The following MID2 variants were observed in gnomAD, a reference collection of about 807,000 sequenced individuals.
The protein encoded by MID2 is midline 2.
In MID2, 13 loss-of-function variants were observed where a neutral mutation model predicts 46.1. The observed-to-expected ratio is 0.28, with a 90% CI of 0.18 to 0.45. The LOEUF (loss-of-function observed/expected upper bound fraction) is 0.45. MID2 is among the 20% of genes least tolerant of loss of function. MID2 has a pLI of 1.00. For synonymous variants in MID2, 199 were observed against 212.3 expected, an observed-to-expected ratio of 0.94 and a Z score of 0.55; for missense variants, 431 against 575.4, an observed-to-expected ratio of 0.75 and a Z score of 2.57.
At position 107,898,904 on chromosome X, in the gene MID2, A is replaced by AATT. The variant is rs762210700; in HGVS notation, c.817-5038_817-5036dup. 2.9e-3 allele frequency among the ~76,000 whole-genome samples: 317 copies of AATT among 110,834 alleles called. 3 individuals carry two copies. The highest frequency in any genetic ancestry group is 3.6e-3 in the Non-Finnish European group (190 of 52,869). ...GCCAGTGAGGAATTCCTTGCCATAT[A>AATT]ATTATTATTATTATTATTGCATTTC... On this transcript the variant is annotated intron_variant, in intron 3 of 9. Transcript: ENST00000262843.
At chrX:107,923,451 GAAGCCTAGTTC>G (rs1933110066) in intron 7 of MID2, among the ~76,000 whole-genome samples, 1 of 112,008 alleles carries the variant, frequency 8.9e-6, no homozygotes, top group Non-Finnish European at 1.9e-5. Context: ...ATCAAAAGCA[GAAGCCTAGTTC>G]TCTGATCCCT....
chrX:107,866,543 G>A (rs1209863648), intron 3 of MID2, among the ~76,000 whole-genome samples: 1 of 109,282 alleles, frequency 9.2e-6, no homozygotes, highest in African/African-American at 3.3e-5. Flanking sequence ...TAGCTCAGAA[G>A]TTGAAAGCAA....
chrX:107,833,431 T>TA (rs199827104), intron 1 of MID2, among the ~76,000 whole-genome samples: 3,148 of 106,099 alleles, frequency 0.03, 141 homozygotes, highest in African/African-American at 0.1. Context: ...ATATATATAT[T>TA]TTTTTTAAAA....
At chrX:107,869,165 A>G (rs1037140088) in intron 3 of MID2, among the ~76,000 whole-genome samples, 1 of 111,180 alleles carries the variant, frequency 9.0e-6, no homozygotes, top group African/African-American at 3.3e-5. Context: ...TTTGAAATGT[A>G]TTTTAGGGCA....
chrX:107,826,054 A>G lies in MID2; in HGVS notation c.-373A>G. ...TGCCCCCACTCCGCCTCCCTTTTGG[A>G]AGGGATTGCCTTTTTTTTCCTCTGC... On this transcript the variant is annotated 5_prime_UTR_variant, in exon 1 of 10. Coordinates refer to ENST00000262843, the MANE Select transcript of MID2 (RefSeq NM_012216.4). The G allele has an allele frequency of 3.4e-6, 1 of 294,191 alleles. No individual in the cohort carries two copies. Among genetic ancestry groups the G allele is most frequent in the Non-Finnish European group, 5.9e-6 (1 of 168,582 alleles). The allele number at this position is 294,191 out of a possible 1,213,427, so 24.2% of individuals were successfully genotyped here. A position where few individuals can be genotyped will look rare whatever the true frequency, so the allele number is the denominator to read the frequency against.
At chrX:107,858,714 G>C (rs943490573) in intron 3 of MID2, among the ~76,000 whole-genome samples, 1 of 112,353 alleles carries the variant, frequency 8.9e-6, no homozygotes, top group Non-Finnish European at 1.9e-5. Flanking sequence ...ATGTAGTATA[G>C]CCCTTTCAAT....
intron 1 of MID2, among the ~76,000 whole-genome samples, chrX:107,833,037 T>C (rs1270413544): frequency 8.9e-6 from 1 of 112,073 alleles, no homozygotes; most frequent in Non-Finnish European, 1.9e-5. Flanking sequence ...AAAACCACTG[T>C]ACTTTGAGCA....
intron 3 of MID2, among the ~76,000 whole-genome samples, chrX:107,888,972 G>A (rs1204637889): frequency 9.0e-6 from 1 of 111,051 alleles, no homozygotes; most frequent in Non-Finnish European, 1.9e-5. Context: ...CCATTTGCTT[G>A]GGAGATCTTC....
chrX:107,890,902 TAGGTCCCTCTGAGCC>T (rs1207233114), intron 3 of MID2, among the ~76,000 whole-genome samples: 2 of 110,175 alleles, frequency 1.8e-5, no homozygotes, highest in Non-Finnish European at 3.8e-5. Context: ...TCTGTGGGAT[TAGGTCCCTCTGAGCC>T]AGGCGCAGGA....
At chrX:107,900,712 A>G (rs1451325245) in intron 3 of MID2, among the ~76,000 whole-genome samples, 1 of 112,148 alleles carries the variant, frequency 8.9e-6, no homozygotes, top group Non-Finnish European at 1.9e-5. Flanking sequence ...GTCTTATTCC[A>G]TCTTTAAGAT....
Position 107,929,302 on chromosome X carries a change from G to A in MID2, c.*2229G>A, listed in dbSNP as rs189895271. On this transcript the variant is annotated 3_prime_UTR_variant, in exon 10 of 10. Transcript: ENST00000262843. ...CCCAAATTCTTAAACAAAAAAAAAT[G>A]ATTTTTTTCCCCTTCATCAAACTTT... Among the ~76,000 whole-genome samples the A allele has an allele frequency of 5.4e-5, 6 of 110,460 alleles. No individual in the cohort carries two copies. Among genetic ancestry groups the A allele is most frequent in the Admixed American group, 4.8e-4 (5 of 10,368 alleles).
intron 3 of MID2, 64 bp downstream of exon 3, chrX:107,854,768 T>C: frequency 2.5e-6 from 2 of 813,649 alleles, no homozygotes; most frequent in East Asian, 6.4e-5. Context: ...TTGGGAGGAC[T>C]TCAGTTTTGT....
chrX:107,906,309 G>A (rs1223559864), intron 5 of MID2, among the ~76,000 whole-genome samples: 1 of 111,030 alleles, frequency 9.0e-6, no homozygotes, highest in African/African-American at 3.3e-5. Context: ...TGAAGACCTT[G>A]GCTCCAGGCT....
intron 1 of MID2, 40 bp downstream of exon 1, chrX:107,826,470 G>A (rs1243259104): frequency 2.7e-6 from 3 of 1,123,965 alleles, no homozygotes; most frequent in Admixed American, 2.9e-5. Flanking sequence ...GAGGTCGAGC[G>A]TCGTAGCCCT....
chrX:107,886,059 C>A (rs1932444758), intron 3 of MID2, among the ~76,000 whole-genome samples: 1 of 111,345 alleles, frequency 9.0e-6, no homozygotes, highest in African/African-American at 3.3e-5. Context: ...AAATTTTCTC[C>A]CATTCTGTAG....
At chrX:107,899,809 A>G (rs1932781268) in intron 3 of MID2, among the ~76,000 whole-genome samples, 1 of 112,023 alleles carries the variant, frequency 8.9e-6, no homozygotes, top group Non-Finnish European at 1.9e-5. Context: ...CGAATGTCAA[A>G]TAAAGAGCTA....
At chrX:107,880,938 G>A (rs187231234) in intron 3 of MID2, among the ~76,000 whole-genome samples, 40 of 112,872 alleles carry the variant, frequency 3.5e-4, no homozygotes, top group African/African-American at 1.3e-3. Flanking sequence ...TTGCAAAGGC[G>A]ATTTCAAAAT....
At chrX:107,912,978 C>T (rs1932913159) in intron 5 of MID2, among the ~76,000 whole-genome samples, 1 of 110,153 alleles carries the variant, frequency 9.1e-6, no homozygotes, top group South Asian at 3.9e-4. Context: ...ATATTATGTG[C>T]AATAGAAACC....
chrX:107,887,671 A>G (rs12013687), intron 3 of MID2, among the ~76,000 whole-genome samples: 2,749 of 111,284 alleles, frequency 0.025, 34 homozygotes, highest in Non-Finnish European at 0.04. Context: ...CTCTTTTTCT[A>G]TTGATTGGAA....
Sources: gnomAD v4.1 joint callset for allele counts (sites outside exome capture counted in the v4.1 genomes callset) on GRCh38, gnomAD v4.1.1 for gene constraint, MANE v1.5 for transcripts, NCBI Gene and HGNC (gene_info 2026-07-23, HGNC 2026-07-21) for gene names.